The following PKN2 variants were observed in gnomAD, a reference collection of about 807,000 sequenced individuals.
PKN2 encodes the protein serine/threonine-protein kinase N2.
In PKN2, 38 loss-of-function variants were observed where a neutral mutation model predicts 119.1. The ratio of observed to expected loss-of-function variants is 0.32; its 90% CI spans 0.25 to 0.42. PKN2 has a LOEUF of 0.42. Among genes scored for constraint, PKN2 ranks in the 10% least tolerant of loss-of-function variants. The pLI is 1.00. For missense variants in PKN2, 850 were observed against 1,165.1 expected (o/e 0.73, Z 3.94); for synonymous variants, 390 against 384.9 (o/e 1.01, Z -0.15).
At chr1:88,778,896 G>T (rs1570617522) in intron 6 of PKN2, among the ~76,000 whole-genome samples, 1 of 152,066 alleles carries the variant, frequency 6.6e-6, no homozygotes. Context: ...TGTATTTTTA[G>T]TAGAGACGGG....
At position 88,790,576 on chromosome 1, in the gene PKN2, G is replaced by T. The variant is rs146584510; in HGVS notation, c.1281+4363G>T. On this transcript the variant is annotated intron_variant, in intron 8 of 21. Coordinates refer to ENST00000370521, the MANE Select transcript of PKN2 (RefSeq NM_006256.4). Reference sequence around the variant, plus strand: ...TATTTAATCATGATCTGTTAGATCTGCTAGATCTCTAAAAACTTTTAAGAT... The same window carrying T: ...TATTTAATCATGATCTGTTAGATCTTCTAGATCTCTAAAAACTTTTAAGAT... Among the ~76,000 whole-genome samples the T allele has an allele frequency of 5.3e-5, 8 of 152,238 alleles. 1 individual carries two copies. The East Asian group carries it at 1.4e-3, about 26-fold the overall frequency.
intron 2 of PKN2, among the ~76,000 whole-genome samples, chr1:88,747,725 A>G (rs977135245): frequency 1.3e-5 from 2 of 151,924 alleles, no homozygotes; most frequent in South Asian, 2.1e-4. Context: ...CCAAACTTAG[A>G]TTGGTTTTTA....
chr1:88,700,572 C>T (rs1001460955), intron 1 of PKN2, among the ~76,000 whole-genome samples: 9 of 152,172 alleles, frequency 5.9e-5, no homozygotes, highest in African/African-American at 2.2e-4. Context: ...GCATGGTTTC[C>T]CCACTCAGTC....
chr1:88,803,823 G>A (rs10489885), intron 8 of PKN2, among the ~76,000 whole-genome samples: 6,058 of 151,940 alleles, frequency 0.04, 278 homozygotes, highest in African/African-American at 0.1. Flanking sequence ...TCTTCCTTTC[G>A]TACGCAGAAT....
intron 2 of PKN2, among the ~76,000 whole-genome samples, chr1:88,756,367 G>T (rs981569846): frequency 6.6e-6 from 1 of 152,058 alleles, no homozygotes; most frequent in Non-Finnish European, 1.5e-5. Flanking sequence ...AATTTATGTT[G>T]CGACAAAATT....
chr1:88,768,551 A>T (rs922440786), intron 3 of PKN2, among the ~76,000 whole-genome samples: 1 of 152,222 alleles, frequency 6.6e-6, no homozygotes, highest in Non-Finnish European at 1.5e-5. Flanking sequence ...AATCAAGGAC[A>T]ATCTCTGTAT....
At chr1:88,770,181 T>G (rs1275669186) in intron 3 of PKN2, among the ~76,000 whole-genome samples, 171 bp from the exon 4 acceptor site, 1 of 152,238 alleles carries the variant, frequency 6.6e-6, no homozygotes, top group Non-Finnish European at 1.5e-5. Context: ...CCCTGTAAGT[T>G]TGATGGCTCT....
At chr1:88,761,963 A>G (rs1184220211) in intron 3 of PKN2, among the ~76,000 whole-genome samples, 7 of 152,136 alleles carry the variant, frequency 4.6e-5, no homozygotes, top group Admixed American at 1.3e-4. Flanking sequence ...CGATTTTAGC[A>G]CATTATACTG....
Position 88,729,466 on chromosome 1 carries a change from C to T in PKN2, c.49-11522C>T, listed in dbSNP as rs546873776. ...TGGTGGCTAAGCTGGACTGGAATGCCTACTGTGGCTTCACTCACATGTCTG... is the reference window on the plus strand; with the variant it reads ...TGGTGGCTAAGCTGGACTGGAATGCTTACTGTGGCTTCACTCACATGTCTG... On this transcript the variant is annotated intron_variant, in intron 1 of 21. Coordinates refer to ENST00000370521, the MANE Select transcript of PKN2 (RefSeq NM_006256.4). Among the ~76,000 whole-genome samples the T allele has an allele frequency of 4.6e-5, 7 of 152,282 alleles. No homozygotes were observed. In the East Asian group the frequency reaches 1.4e-3, roughly 29 times the overall value.
At chr1:88,801,941 T>C (rs934917472) in intron 8 of PKN2, among the ~76,000 whole-genome samples, 9 of 152,218 alleles carry the variant, frequency 5.9e-5, no homozygotes, top group African/African-American at 2.2e-4. Context: ...AAAACTTTCC[T>C]AAATAGGTAA....
At chr1:88,707,651 G>A (rs548045735) in intron 1 of PKN2, among the ~76,000 whole-genome samples, 4 of 152,132 alleles carry the variant, frequency 2.6e-5, no homozygotes, top group Non-Finnish European at 5.9e-5. Context: ...TTTCCTTACA[G>A]ATTATATTTT....
At chr1:88,759,278 G>A (rs575338724) in intron 2 of PKN2, among the ~76,000 whole-genome samples, 6 of 152,250 alleles carry the variant, frequency 3.9e-5, no homozygotes, top group East Asian at 3.9e-4. Flanking sequence ...CAGGAGAATC[G>A]CTTGAACCTG....
rs1668850946 is a variant in PKN2, at chr1:88,748,276, C to G, written c.349+6988C>G. Among the ~76,000 whole-genome samples the G allele has an allele frequency of 1.3e-5, 2 of 152,310 alleles. 1 individual carries two copies. Among genetic ancestry groups the G allele is most frequent in the South Asian group, 4.2e-4 (2 of 4,818 alleles). Reference sequence around the variant, plus strand: ...ACACCCTTCTTCACCTCTATATTCCCTGACAACCACTGACCTGTTCTGTCA... The same window carrying G: ...ACACCCTTCTTCACCTCTATATTCCGTGACAACCACTGACCTGTTCTGTCA... On this transcript the variant is annotated intron_variant, in intron 2 of 21. Coordinates refer to ENST00000370521, the MANE Select transcript of PKN2 (RefSeq NM_006256.4).
chr1:88,820,563 A>G (rs1240705014), intron 16 of PKN2, among the ~76,000 whole-genome samples: 1 of 150,594 alleles, frequency 6.6e-6, no homozygotes, highest in African/African-American at 2.5e-5. Flanking sequence ...TAAATAAATA[A>G]AAATTATTGA....
rs753313275 is a variant in PKN2 at position 88,770,461 on chromosome 1, T to C, written c.614T>C (p.Phe205Ser). ...GCAGTCCAGACTAATGAATTGGCTT[T>C]TGATAATGGTGATGGAATAAATTGT... The part of the protein sequence containing the change: ...LQAVQTNELA[F>S]DNAKPVISPL... The change falls in exon 4 of 22, where the codon TTT becomes TCT. Residue 205 changes from phenylalanine (F) to serine (S), a missense_variant. Around this residue, in one of 9 missense-constraint regions of PKN2, gnomAD observed 350 missense variants for 511.1 expected, o/e 0.68. Coordinates refer to ENST00000370521, the MANE Select transcript of PKN2 (RefSeq NM_006256.4). 9 of 1,532,606 alleles carry C rather than the reference T, an allele frequency of 5.9e-6. No individual in the cohort carries two copies. The highest frequency in any genetic ancestry group is 6.3e-6 in the Non-Finnish European group (7 of 1,105,472). The allele number at this position is 1,532,606 out of a possible 1,614,324, so 94.9% of individuals were successfully genotyped here.
At chr1:88,765,090 C>A (rs1444197684) in intron 3 of PKN2, among the ~76,000 whole-genome samples, 1 of 146,750 alleles carries the variant, frequency 6.8e-6, no homozygotes, top group East Asian at 1.9e-4. Flanking sequence ...CTATGCCTGG[C>A]TACTTTTTTT....
At chr1:88,777,113 AAGACT>A (rs1271631368) in intron 6 of PKN2, among the ~76,000 whole-genome samples, 7 of 152,114 alleles carry the variant, frequency 4.6e-5, no homozygotes, top group Non-Finnish European at 2.9e-5. Context: ...TTCTGCTCTT[AAGACT>A]AGACAAGTGC....
intron 1 of PKN2, among the ~76,000 whole-genome samples, chr1:88,699,085 C>G (rs1666660794): frequency 6.6e-6 from 1 of 151,990 alleles, no homozygotes; most frequent in Non-Finnish European, 1.5e-5. Flanking sequence ...TTCCTTCTTT[C>G]CTGTTTCTCT....
At chr1:88,726,002 C>T (rs1416197383) in intron 1 of PKN2, among the ~76,000 whole-genome samples, 2 of 152,180 alleles carry the variant, frequency 1.3e-5, no homozygotes, top group Non-Finnish European at 2.9e-5. Flanking sequence ...GTTGTCTACA[C>T]AGTCATTGTT....
Sources: gnomAD v4.1 joint callset for allele counts (sites outside exome capture counted in the v4.1 genomes callset) on GRCh38, gnomAD v4.1.1 for gene constraint, gnomAD v4.1.1 regional missense constraint, MANE v1.5 for transcripts, NCBI Gene and HGNC (gene_info 2026-07-23, HGNC 2026-07-21) for gene names.